KSR2: variants seen among roughly 807,000 people sequenced by gnomAD.
The protein encoded by KSR2 is kinase suppressor of ras 2.
Under a neutral mutation model 107.8 loss-of-function variants are expected in KSR2, and 25 were observed. The observed-to-expected ratio is 0.23, with a 90% CI of 0.17 to 0.32. The LOEUF is 0.32. KSR2 is among the 10% of genes least tolerant of loss of function. The pLI, the probability that KSR2 is intolerant of heterozygous loss-of-function variation, is 1.00. For missense variants in KSR2, 887 were observed against 1,268.9 expected (o/e 0.70, Z 4.57); for synonymous variants, 480 against 507.0 (o/e 0.95, Z 0.71).
intron 5 of KSR2, among the ~76,000 whole-genome samples, chr12:117,666,516 G>T (rs1208765563): frequency 1.3e-5 from 2 of 152,198 alleles, no homozygotes; most frequent in African/African-American, 4.8e-5. Context: ...CAAGTTCTTT[G>T]ACATCCCTGG....
chr12:117,487,959 G>T (rs1300529778), intron 14 of KSR2, among the ~76,000 whole-genome samples: 1 of 152,138 alleles, frequency 6.6e-6, no homozygotes, highest in Non-Finnish European at 1.5e-5. Context: ...ATCTCACCTT[G>T]AATTGTAATA....
chr12:117,872,169 C>G (rs376583114), intron 1 of KSR2, among the ~76,000 whole-genome samples: 2 of 152,066 alleles, frequency 1.3e-5, no homozygotes, highest in African/African-American at 4.8e-5. Context: ...CAATAATAAC[C>G]CCATCTTATT....
intron 3 of KSR2, among the ~76,000 whole-genome samples, chr12:117,794,488 A>G (rs1890525380): frequency 7.2e-6 from 1 of 139,066 alleles, no homozygotes; most frequent in African/African-American, 2.9e-5. Context: ...ATGCACACTC[A>G]CACCAACATG....
intron 3 of KSR2, among the ~76,000 whole-genome samples, chr12:117,822,001 G>A (rs1390700954): frequency 1.3e-5 from 2 of 152,174 alleles, no homozygotes; most frequent in Non-Finnish European, 2.9e-5. Context: ...AAAACAGGTT[G>A]CAGTAAAGAA....
chr12:117,761,787 ACAT>A (rs764004777), intron 3 of KSR2, among the ~76,000 whole-genome samples: 15 of 151,672 alleles, frequency 9.9e-5, no homozygotes, highest in South Asian at 4.1e-4. Flanking sequence ...TATCATATGC[ACAT>A]CATATCATAT....
chr12:117,844,153 TA>T (rs1892610679), intron 3 of KSR2, among the ~76,000 whole-genome samples: 1 of 151,992 alleles, frequency 6.6e-6, no homozygotes. Flanking sequence ...TCATGTCACA[TA>T]AAAGGCAACA....
chr12:117,522,865 C>A (rs544636524), intron 14 of KSR2, among the ~76,000 whole-genome samples: 26 of 152,274 alleles, frequency 1.7e-4, no homozygotes, highest in Admixed American at 1.4e-3. Context: ...CTACAAGAAC[C>A]CAGCTACTGA....
chr12:117,702,754 C>T (rs1193129700), intron 4 of KSR2, among the ~76,000 whole-genome samples: 2 of 152,194 alleles, frequency 1.3e-5, no homozygotes, highest in African/African-American at 4.8e-5. Flanking sequence ...AGTCTCCAAT[C>T]ACTTTCAAAT....
chr12:117,588,728 A>G (rs1471838912), intron 5 of KSR2, among the ~76,000 whole-genome samples: 1 of 152,210 alleles, frequency 6.6e-6, no homozygotes, highest in Admixed American at 6.5e-5. Flanking sequence ...TAACTGTTTC[A>G]CAGATGGCAA....
At chr12:117,892,241 T>G (rs1390661482) in intron 1 of KSR2, among the ~76,000 whole-genome samples, 1 of 150,736 alleles carries the variant, frequency 6.6e-6, no homozygotes, top group Non-Finnish European at 1.5e-5. Context: ...GAGGCAGAGG[T>G]TGCAGTGAGC....
At position 117,673,076 on chromosome 12, in the gene KSR2, G is replaced by C. The variant is rs141690278; in HGVS notation, c.987-5418C>G. Among the ~76,000 whole-genome samples the C allele has an allele frequency of 1.8e-4, 28 of 152,330 alleles. 1 individual carries two copies. Among genetic ancestry groups the C allele is most frequent in the African/African-American group, 6.3e-4 (26 of 41,578 alleles). The stretch of plus-strand genomic sequence containing the variant: ...CTAAGTGACAAGACCAGATCCTCTG[G>C]CAAGAAGAACCAAGTCTGACCCAGC... On this transcript the variant is annotated intron_variant, in intron 4 of 19. Coordinates refer to ENST00000339824, the MANE Select transcript of KSR2 (RefSeq NM_173598.6).
chr12:117,719,243 G>A (rs1414614612), intron 4 of KSR2, among the ~76,000 whole-genome samples: 1 of 152,162 alleles, frequency 6.6e-6, no homozygotes, highest in African/African-American at 2.4e-5. Context: ...AGTCCAGACT[G>A]GAGTGCAGTG....
chr12:117,557,845 A>C (rs1323454599), intron 8 of KSR2, among the ~76,000 whole-genome samples: 1 of 152,194 alleles, frequency 6.6e-6, no homozygotes, highest in Non-Finnish European at 1.5e-5. Flanking sequence ...CAGGGGAACT[A>C]TTTTGAAAGC....
At chr12:117,638,402 C>A (rs1378471457) in intron 5 of KSR2, among the ~76,000 whole-genome samples, 1 of 152,136 alleles carries the variant, frequency 6.6e-6, no homozygotes, top group East Asian at 1.9e-4. Flanking sequence ...TACACCCTCA[C>A]CATGCTGGGC....
intron 4 of KSR2, among the ~76,000 whole-genome samples, chr12:117,698,913 T>C (rs148424270): frequency 1.4e-4 from 21 of 152,318 alleles, no homozygotes; most frequent in South Asian, 4.1e-4. Context: ...TCCCATGGCC[T>C]GAAATCTTCC....
chr12:117,501,096 A>C (rs1873348678), intron 14 of KSR2, among the ~76,000 whole-genome samples: 1 of 152,246 alleles, frequency 6.6e-6, no homozygotes, highest in African/African-American at 2.4e-5. Flanking sequence ...GAATGATTTG[A>C]TACTCCTTTA....
At chr12:117,536,292 G>A (rs530460373) in intron 10 of KSR2, among the ~76,000 whole-genome samples, 110 of 152,320 alleles carry the variant, frequency 7.2e-4, no homozygotes, top group Non-Finnish European at 1.4e-3. Flanking sequence ...CCAGTCAAGA[G>A]TGGGACAGCT....
At chr12:117,499,906 G>A (rs1173881148) in intron 14 of KSR2, among the ~76,000 whole-genome samples, 1 of 152,232 alleles carries the variant, frequency 6.6e-6, no homozygotes, top group African/African-American at 2.4e-5. Context: ...AAGGGAGGCT[G>A]AGGACACTGG....
At chr12:117,886,257 T>A (rs1894175882) in intron 1 of KSR2, among the ~76,000 whole-genome samples, 1 of 150,380 alleles carries the variant, frequency 6.6e-6, no homozygotes, top group Non-Finnish European at 1.5e-5. Flanking sequence ...ATATGTATGT[T>A]TATATAGCTA....
Sources: gnomAD v4.1 joint callset for allele counts (sites outside exome capture counted in the v4.1 genomes callset) on GRCh38, gnomAD v4.1.1 for gene constraint, MANE v1.5 for transcripts, NCBI Gene and HGNC (gene_info 2026-07-23, HGNC 2026-07-21) for gene names.